PLEKHM1: variants seen among roughly 807,000 people sequenced by gnomAD.
PLEKHM1 encodes pleckstrin homology domain-containing family M member 1.
PLEKHM1 carries 28 observed loss-of-function variants against 94.3 expected under a neutral mutation model. The observed-to-expected ratio is 0.30, with a 90% confidence interval of 0.22 to 0.41. The LOEUF (loss-of-function observed/expected upper bound fraction) is 0.41. Among genes scored for constraint, PLEKHM1 ranks in the 10% least tolerant of loss-of-function variants. The pLI, the probability that PLEKHM1 is intolerant of heterozygous loss-of-function variation, is 1.00. For missense variants in PLEKHM1, 907 were observed against 1,358.6 expected (o/e 0.67, Z 5.22); for synonymous variants, 424 against 581.2 (o/e 0.73, Z 3.89).
intron 1 of PLEKHM1, among the ~76,000 whole-genome samples, chr17:45,485,243 G>C (rs2052073795): frequency 6.6e-6 from 1 of 152,170 alleles, no homozygotes; most frequent in East Asian, 1.9e-4. Context: ...GTCACTTCCA[G>C]AAACAGGCCT....
chr17:45,489,655 C>T (rs1450426563), intron 1 of PLEKHM1, among the ~76,000 whole-genome samples: 1 of 152,066 alleles, frequency 6.6e-6, no homozygotes, highest in Non-Finnish European at 1.5e-5. Flanking sequence ...CACTGCTCCT[C>T]CACCCTTATT....
intron 5 of PLEKHM1, among the ~76,000 whole-genome samples, chr17:45,461,543 C>T (rs1031287220): frequency 2.6e-5 from 4 of 152,128 alleles, no homozygotes; most frequent in Non-Finnish European, 2.9e-5. Context: ...GTTTCTGGTC[C>T]ATTTTGAGTT....
intron 1 of PLEKHM1, among the ~76,000 whole-genome samples, chr17:45,486,235 T>C (rs369687584): frequency 7.3e-6 from 1 of 136,886 alleles, no homozygotes; most frequent in Non-Finnish European, 1.6e-5. Flanking sequence ...AAAGATAAAA[T>C]AAAAAAATAA....
intron 5 of PLEKHM1, among the ~76,000 whole-genome samples, chr17:45,463,552 C>G (rs1484244681): frequency 6.6e-6 from 1 of 152,170 alleles, no homozygotes; most frequent in Non-Finnish European, 1.5e-5. Flanking sequence ...GCCATCATGC[C>G]CGGCTAATTT....
intron 2 of PLEKHM1, among the ~76,000 whole-genome samples, chr17:45,479,449 C>T (rs921912976): frequency 9.4e-5 from 14 of 148,918 alleles, no homozygotes; most frequent in Non-Finnish European, 1.8e-4. Context: ...ACTCAGGAGG[C>T]GGAGTTTCCA....
chr17:45,468,060 A>G, intron 5 of PLEKHM1, 149 bp downstream of exon 5: 5 of 778,868 alleles, frequency 6.4e-6, no homozygotes, highest in South Asian at 6.1e-5. Flanking sequence ...CATGAGCCCC[A>G]TCATCATGAT....
intron 5 of PLEKHM1, among the ~76,000 whole-genome samples, chr17:45,462,526 C>T (rs2051182140): frequency 6.6e-6 from 1 of 152,028 alleles, no homozygotes; most frequent in Admixed American, 6.6e-5. Flanking sequence ...GGAAGCTTCT[C>T]TCACCCTTCC....
chr17:45,450,386 C>T (rs1022574591), intron 8 of PLEKHM1, among the ~76,000 whole-genome samples: 4 of 152,246 alleles, frequency 2.6e-5, no homozygotes, highest in Non-Finnish European at 4.4e-5. Context: ...CATCCTCAAA[C>T]TCTTTCCTCC....
At chr17:45,483,451 G>T (rs1294504551) in intron 1 of PLEKHM1, among the ~76,000 whole-genome samples, 1 of 138,678 alleles carries the variant, frequency 7.2e-6, no homozygotes, top group Non-Finnish European at 1.6e-5. Context: ...GGTGGGGCGG[G>T]TGGGGTGGGG....
intron 3 of PLEKHM1, chr17:45,477,635 C>T (rs2051795521): frequency 1.9e-5 from 10 of 521,002 alleles, no homozygotes; most frequent in South Asian, 1.6e-4. Flanking sequence ...TGGCCAGTCT[C>T]ACCTGCTTTT....
intron 1 of PLEKHM1, among the ~76,000 whole-genome samples, chr17:45,490,365 G>C (rs1316085219): frequency 3.3e-5 from 5 of 152,104 alleles, no homozygotes; most frequent in African/African-American, 1.2e-4. Flanking sequence ...GGTAAAGTGG[G>C]GTCACGAGTG....
In PLEKHM1 at chr17:45,453,297, C is replaced by G; in HGVS notation, c.2497+58G>C. 1.3e-6 allele frequency: 2 copies of G among 1,570,034 alleles called. No homozygotes were observed. Among genetic ancestry groups the G allele is most frequent in the Non-Finnish European group, 1.7e-6 (2 of 1,154,850 alleles). ...AAGGGTGGGGAGCCTAAATCAGGAA[C>G]CAGCAGGAGGTGGAGTGAGGCTGGC... On this transcript the variant is annotated intron_variant, in intron 7 of 11. Coordinates refer to ENST00000430334, the MANE Select transcript of PLEKHM1 (RefSeq NM_014798.3). This position sits in a 1 kb window ranked among gnomAD's most constrained non-coding sequence, Gnocchi z 4.1.
chr17:45,480,995 G>A (rs1249141009), intron 2 of PLEKHM1, among the ~76,000 whole-genome samples: 1 of 152,196 alleles, frequency 6.6e-6, no homozygotes, highest in Non-Finnish European at 1.5e-5. Context: ...CTGCCAAACT[G>A]TGTGCCAAAG....
chr17:45,452,164 G>A (rs2050792604), intron 7 of PLEKHM1, among the ~76,000 whole-genome samples: 1 of 152,118 alleles, frequency 6.6e-6, no homozygotes, highest in Non-Finnish European at 1.5e-5. Context: ...GGTGGGGGGA[G>A]TGGGAGGGGC....
In PLEKHM1 at chr17:45,436,559, T is replaced by C. The variant is rs1211302289; in HGVS notation, c.*1299A>G. 1 of 452,466 alleles carries C rather than the reference T, an allele frequency of 2.2e-6. No homozygotes were observed. Among genetic ancestry groups the C allele is most frequent in the Non-Finnish European group, 4.4e-6 (1 of 225,502 alleles). 28.0% of individuals were successfully genotyped at this position (452,466 alleles called of 1,614,324 possible). ...GGTAAGACAGCTAGGACTGAGGGCC[T>C]GCTAGGTCCAGGAGAGGTGGGGGAA... is the stretch of plus-strand genomic sequence containing the variant. On this transcript the variant is annotated 3_prime_UTR_variant, in exon 12 of 12. Transcript: ENST00000430334.
Position 45,445,743 on chromosome 17 carries a change from G to T in PLEKHM1, c.2644-80C>A. The T allele has an allele frequency of 7.9e-6, 8 of 1,010,324 alleles. No homozygotes were observed. The highest frequency in any genetic ancestry group is 1.1e-5 in the Non-Finnish European group (7 of 633,850). 62.6% of individuals were successfully genotyped at this position (1,010,324 alleles called of 1,614,324 possible). On this transcript the variant is annotated intron_variant, in intron 8 of 11. Transcript: ENST00000430334. This position sits in a 1 kb window ranked among gnomAD's most constrained non-coding sequence, Gnocchi z 4.2. ...TGCCTGGCCAGGTGCCACATGACCT[G>T]CTCACTTACCTGAGGGGCTATCTTC... is the stretch of plus-strand genomic sequence containing the variant.
rs1329442687 is a variant in PLEKHM1 at position 45,490,703 on chromosome 17, C to A, written c.-93G>T. On this transcript the variant is annotated 5_prime_UTR_variant, in exon 1 of 12. Coordinates refer to ENST00000430334, the MANE Select transcript of PLEKHM1 (RefSeq NM_014798.3). ...GGCGCTCCCGGCCGCGGCAGCCCCT[C>A]AGCCTCCGAGCCGACGATGCGGTCT... 2.2e-5 allele frequency: 10 copies of A among 451,226 alleles called. No individual in the cohort carries two copies. Among genetic ancestry groups the A allele is most frequent in the Non-Finnish European group, 4.0e-5 (9 of 225,066 alleles). The allele number at this position is 451,226 out of a possible 1,614,324, so 28.0% of individuals were successfully genotyped here.
chr17:45,462,284 G>A (rs891477978), intron 5 of PLEKHM1, among the ~76,000 whole-genome samples: 1 of 152,062 alleles, frequency 6.6e-6, no homozygotes, highest in Non-Finnish European at 1.5e-5. Context: ...GTCAGTCAGG[G>A]CAGCCACTGG....
Position 45,454,217 on chromosome 17 carries a change from C to G in PLEKHM1, c.1635G>C (p.Gly545=). Residue 545 remains glycine, a synonymous_variant, in exon 7 of 12, where the codon GGG becomes GGC. Transcript: ENST00000430334. ...LMKLGTVERR[G]AMGIWKELFC... The stretch of plus-strand genomic sequence containing the variant: ...AGAGCTCCTTCCAGATGCCCATTGC[C>G]CCCCGCCGCTCCACGGTGCCCAGCT... 6.2e-7 allele frequency: 1 copy of G among 1,611,048 alleles called. No individual in the cohort carries two copies. Among genetic ancestry groups the G allele is most frequent in the Non-Finnish European group, 8.5e-7 (1 of 1,178,744 alleles).
Sources: gnomAD v4.1 joint callset for allele counts (sites outside exome capture counted in the v4.1 genomes callset) on GRCh38, gnomAD v4.1.1 for gene constraint, Gnocchi (gnomAD v3.1) non-coding constraint, MANE v1.5 for transcripts, NCBI Gene and HGNC (gene_info 2026-07-23, HGNC 2026-07-21) for gene names.